Variants in GALNT15 observed in about 807,000 individuals in gnomAD.
GALNT15 encodes the protein UDP-GalNAc transferase T15.
GALNT15 carries 67 observed loss-of-function variants against 66.8 expected under a neutral mutation model. That is an observed-to-expected ratio of 1.00 (90% CI 0.82 to 1.23). The LOEUF is 1.23. Among genes scored for constraint, GALNT15 ranks in the 50% most tolerant of loss-of-function variants. The pLI is 0.00. For missense variants in GALNT15, 827 were observed against 804.3 expected, an observed-to-expected ratio of 1.03 and a Z score of -0.34; for synonymous variants, 313 against 311.5, an observed-to-expected ratio of 1.00 and a Z score of -0.05.
In GALNT15 at chr3:16,203,284, C is replaced by T. The variant is rs1289747734; in HGVS notation, c.911+2461C>T. Among the ~76,000 whole-genome samples the T allele has an allele frequency of 6.6e-6, 1 of 152,022 alleles. No homozygotes were observed. Among genetic ancestry groups the T allele is most frequent in the African/African-American group, 2.4e-5 (1 of 41,390 alleles). The stretch of plus-strand genomic sequence containing the variant: ...GTGTTACCTGCTGCTGTGAGTCCCT[C>T]GTATCTGCTTCTCACATCGGGGCCC... On this transcript the variant is annotated intron_variant, in intron 3 of 9. Coordinates refer to ENST00000339732, the MANE Select transcript of GALNT15 (RefSeq NM_054110.5). The surrounding 1 kb of genome is among the most constrained non-coding windows in gnomAD (Gnocchi z 6.2).
chr3:16,180,552 C>T lies in GALNT15; in HGVS notation c.539+4862C>T, dbSNP rs1313999102. Among the ~76,000 whole-genome samples, 1 of 152,106 alleles carries T rather than the reference C, an allele frequency of 6.6e-6. No homozygotes were observed. The highest frequency in any genetic ancestry group is 1.5e-5 in the Non-Finnish European group (1 of 68,028). ...GTAGATGTTCAGACCCCCTCACTGG[C>T]AATGCTCCAGAGTTCTGAGTTGGAG... On this transcript the variant is annotated intron_variant, in intron 1 of 9. Transcript: ENST00000339732. The surrounding 1 kb of genome is among the most constrained non-coding windows in gnomAD (Gnocchi z 5.0).
At chr3:16,222,846 G>T (rs2063960611) in intron 9 of GALNT15, 88 bp downstream of exon 9, 6 of 1,471,760 alleles carry the variant, frequency 4.1e-6, no homozygotes, top group Admixed American at 1.9e-5. Context: ...CTTCCAAGAG[G>T]TCAGGTATTA....
In GALNT15 at chr3:16,209,876, C is replaced by T. The variant is rs1377584639; in HGVS notation, c.1079+1206C>T. ...GGCAGCAAAAGCTGCCCTGAACTGACATGGGGTGTCTGCATTGGCCTTATT... is the reference window on the plus strand; with the variant it reads ...GGCAGCAAAAGCTGCCCTGAACTGATATGGGGTGTCTGCATTGGCCTTATT... On this transcript the variant is annotated intron_variant, in intron 4 of 9. Coordinates refer to ENST00000339732, the MANE Select transcript of GALNT15 (RefSeq NM_054110.5). The surrounding 1 kb of genome is among the most constrained non-coding windows in gnomAD (Gnocchi z 4.1). 2.0e-5 allele frequency among the ~76,000 whole-genome samples: 3 copies of T among 152,230 alleles called. No homozygotes were observed. Among genetic ancestry groups the T allele is most frequent in the African/African-American group, 7.2e-5 (3 of 41,474 alleles).
At chr3:16,201,851 C>T (rs2063707198) in intron 3 of GALNT15, among the ~76,000 whole-genome samples, 1 of 152,192 alleles carries the variant, frequency 6.6e-6, no homozygotes, top group South Asian at 2.1e-4. Context: ...ATATCCTACC[C>T]AGGAAAACTG....
At position 16,200,564 on chromosome 3, in the gene GALNT15, A is replaced by G. The variant is rs187108016; in HGVS notation, c.707-55A>G. 757 of 1,376,014 alleles carry G rather than the reference A, an allele frequency of 5.5e-4. 1 individual carries two copies. Among genetic ancestry groups the G allele is most frequent in the Non-Finnish European group, 6.7e-4 (687 of 1,025,644 alleles). 85.2% of individuals were successfully genotyped at this position (1,376,014 alleles called of 1,614,324 possible). On this transcript the variant is annotated intron_variant, in intron 2 of 9. Transcript: ENST00000339732. This position sits in a 1 kb window ranked among gnomAD's most constrained non-coding sequence, Gnocchi z 4.4. ...GTTGCTGACGATTGTCTTAGTCACA[A>G]TCTCATCGGTTGTGGCATTTGTCAT... is the stretch of plus-strand genomic sequence containing the variant.
chr3:16,227,559 T>A lies in GALNT15; in HGVS notation c.*59T>A, dbSNP rs14210. 1.9e-6 allele frequency: 3 copies of A among 1,613,064 alleles called. No homozygotes were observed. The highest frequency in any genetic ancestry group is 2.7e-5 in the African/African-American group (2 of 74,856). ...CATCAAAATCCAGCTCCAAGTGAACTTAAAGAGCTTATATATTTCATGAAG... is the reference window on the plus strand; with the variant it reads ...CATCAAAATCCAGCTCCAAGTGAACATAAAGAGCTTATATATTTCATGAAG... On this transcript the variant is annotated 3_prime_UTR_variant, in exon 10 of 10. Transcript: ENST00000339732. This position sits in a 1 kb window ranked among gnomAD's most constrained non-coding sequence, Gnocchi z 4.5.
At position 16,219,955 on chromosome 3, in the gene GALNT15, G is replaced by A; in HGVS notation, c.1570G>A (p.Gly524Arg). The change falls in exon 8 of 10, where the codon GGG becomes AGG. Residue 524 changes from glycine to arginine, a missense_variant. Transcript: ENST00000339732. This position sits in a 1 kb window ranked among gnomAD's most constrained non-coding sequence, Gnocchi z 4.3. ...LGLCADCQAE[G>R]DILGCPMVLA... is the part of the protein sequence containing the mutation. ...GCTCTGTGCAGACTGCCAGGCAGAAGGGGACATCCTGGGCTGTCCCATGGT... is the reference window on the plus strand; with the variant it reads ...GCTCTGTGCAGACTGCCAGGCAGAAAGGGACATCCTGGGCTGTCCCATGGT... The A allele has an allele frequency of 1.2e-6, 2 of 1,614,254 alleles. No individual in the cohort carries two copies. Among genetic ancestry groups the A allele is most frequent in the Non-Finnish European group, 1.7e-6 (2 of 1,180,038 alleles).
the GALNT15 span, among the ~76,000 whole-genome samples, chr3:16,238,574 T>C: frequency 6.6e-5 from 10 of 152,190 alleles, no homozygotes; most frequent in East Asian, 9.6e-4. This position sits in a 1 kb window ranked among gnomAD's most constrained non-coding sequence, Gnocchi z 4.8. Context: ...ATCTCCGTTT[T>C]ATATTATCTC....
Position 16,200,496 on chromosome 3 carries a change from C to A in GALNT15, c.707-123C>A. 3.1e-6 allele frequency: 2 copies of A among 652,326 alleles called. No homozygotes were observed. The highest frequency in any genetic ancestry group is 4.8e-6 in the Non-Finnish European group (2 of 413,626). 40.4% of individuals were successfully genotyped at this position (652,326 alleles called of 1,614,324 possible). ...AACAACCACACTGTAGTAATGTTTT[C>A]GGTTCTTAGGACCCAGGTGCTCACC... On this transcript the variant is annotated intron_variant, in intron 2 of 9. Transcript: ENST00000339732. The surrounding 1 kb of genome is among the most constrained non-coding windows in gnomAD (Gnocchi z 4.4).
intron 8 of GALNT15, 178 bp downstream of exon 8, chr3:16,220,192 C>T: frequency 1.6e-6 from 1 of 610,066 alleles, no homozygotes; most frequent in East Asian, 2.8e-5. Context: ...ACCTCACCTC[C>T]ATCTGTAAGC....
the GALNT15 span, among the ~76,000 whole-genome samples, chr3:16,245,759 G>A: frequency 6.6e-6 from 1 of 152,226 alleles, no homozygotes; most frequent in Non-Finnish European, 1.5e-5. Flanking sequence ...CTTCCACATG[G>A]AGGACTGTAG....
In GALNT15 at chr3:16,175,694, A is replaced by G. The variant is rs779359425; in HGVS notation, c.539+4A>G. ...TGCCCGAGGTGCGGCACCCACTGTA[A>G]GTAAGGCCCTTGTTTTCCCTTCCCT... On this transcript the variant is annotated splice_donor_region_variant and intron_variant, in intron 1 of 9. Coordinates refer to ENST00000339732, the MANE Select transcript of GALNT15 (RefSeq NM_054110.5). This position sits in a 1 kb window ranked among gnomAD's most constrained non-coding sequence, Gnocchi z 5.6. 2 of 1,560,096 alleles carry G rather than the reference A, an allele frequency of 1.3e-6. No homozygotes were observed. Among genetic ancestry groups the G allele is most frequent in the East Asian group, 4.5e-5 (2 of 44,276 alleles).
chr3:16,232,451 A>AAAATAAAT (rs1194898714), downstream of GALNT15, among the ~76,000 whole-genome samples: 81 of 67,716 alleles, frequency 1.2e-3, 2 homozygotes, highest in Non-Finnish European at 1.8e-3. Flanking sequence ...GCCTGGCCTC[A>AAAATAAAT]AAATAAATAA....
downstream of GALNT15, among the ~76,000 whole-genome samples, chr3:16,231,082 G>GA (rs1179896476): frequency 7.2e-6 from 1 of 139,780 alleles, no homozygotes; most frequent in Non-Finnish European, 1.5e-5. The surrounding 1 kb of genome is among the most constrained non-coding windows in gnomAD (Gnocchi z 4.1). Context: ...TCATACATGG[G>GA]AATTGGACAA....
At position 16,200,665 on chromosome 3, in the gene GALNT15, G is replaced by A. The variant is rs1269679951; in HGVS notation, c.753G>A (p.Gly251=). The A allele has an allele frequency of 1.2e-6, 2 of 1,602,274 alleles. No homozygotes were observed. The highest frequency in any genetic ancestry group is 1.1e-5 in the South Asian group (1 of 88,894). The part of the protein sequence containing the change: ...ALSEYVARLE[G]VKLLRSNKRL... The stretch of plus-strand genomic sequence containing the variant: ...GCGAATATGTGGCCAGGCTGGAGGG[G>A]GTGAAGTTACTCAGGAGCAACAAGA... Residue 251 remains glycine (G), a synonymous_variant, in exon 3 of 10, where the codon GGG becomes GGA. Transcript: ENST00000339732. This position sits in a 1 kb window ranked among gnomAD's most constrained non-coding sequence, Gnocchi z 4.4.
At chr3:16,247,329 G>T in the GALNT15 span, among the ~76,000 whole-genome samples, 1,230 of 152,318 alleles carry the variant, frequency 8.1e-3, 21 homozygotes, top group African/African-American at 0.029. Context: ...CAACCACCCT[G>T]CAAGGTGATT....
At position 16,228,653 on chromosome 3, in the gene GALNT15, A is replaced by C. The variant is rs1377919770; in HGVS notation, c.*1153A>C. 1.0e-6 allele frequency: 1 copy of C among 985,006 alleles called. No individual in the cohort carries two copies. Among genetic ancestry groups the C allele is most frequent in the African/African-American group, 1.8e-5 (1 of 57,130 alleles). The allele number at this position is 985,006 out of a possible 1,614,324, so 61.0% of individuals were successfully genotyped here. On this transcript the variant is annotated 3_prime_UTR_variant, in exon 10 of 10. Transcript: ENST00000339732. ...GAGACTCCATCTCAAAAAAAAAAAA[A>C]AAGAGAGAAACTCTCCTGATGCCCT...
rs1011224098 is a variant in GALNT15 at position 16,204,403 on chromosome 3, G to C, written c.911+3580G>C. Among the ~76,000 whole-genome samples the C allele has an allele frequency of 6.6e-6, 1 of 152,092 alleles. No individual in the cohort carries two copies. The highest frequency in any genetic ancestry group is 1.5e-5 in the Non-Finnish European group (1 of 68,022). On this transcript the variant is annotated intron_variant, in intron 3 of 9. Coordinates refer to ENST00000339732, the MANE Select transcript of GALNT15 (RefSeq NM_054110.5). This position sits in a 1 kb window ranked among gnomAD's most constrained non-coding sequence, Gnocchi z 4.5. The stretch of plus-strand genomic sequence containing the variant: ...ATGATAATATTAGAGATGTTCTCTT[G>C]GGTTGCACAGTGCGCAACTCCTGTA...
chr3:16,232,095 A>C (rs927860030), downstream of GALNT15: 1 of 777,828 alleles, frequency 1.3e-6, no homozygotes, highest in Non-Finnish European at 1.9e-6. Flanking sequence ...AAATTCTCCA[A>C]AACTCTCCAA....
Sources: allele counts gnomAD v4.1 joint callset (sites outside exome capture counted in the v4.1 genomes callset), GRCh38; gene constraint gnomAD v4.1.1; non-coding constraint Gnocchi (gnomAD v3.1); transcripts MANE v1.5; gene names NCBI Gene and HGNC (gene_info 2026-07-23, HGNC 2026-07-21).